ZNF790: variants seen among roughly 807,000 people sequenced by gnomAD.
ZNF790 encodes zinc finger protein 790.
ZNF790 carries 8 observed loss-of-function variants against 12.1 expected under a neutral mutation model. The ratio of observed to expected loss-of-function variants is 0.66; its 90% CI spans 0.39 to 1.19. The LOEUF (loss-of-function observed/expected upper bound fraction) is 1.19. ZNF790 is among the 50% of genes most tolerant of loss of function. The probability of loss-of-function intolerance (pLI) is 0.01; values close to 1 mark genes in which losing one functional copy is unlikely to be tolerated. For missense variants in ZNF790, 707 were observed against 752.2 expected, an observed-to-expected ratio of 0.94 and a Z score of 0.70; for synonymous variants, 252 against 244.3, an observed-to-expected ratio of 1.03 and a Z score of -0.29.
intron 1 of ZNF790, among the ~76,000 whole-genome samples, chr19:36,826,065 T>C (rs1354182263): frequency 1.3e-5 from 2 of 152,238 alleles, no homozygotes; most frequent in Non-Finnish European, 2.9e-5. Context: ...AATGCAAAGC[T>C]TGTTACTTTG....
At chr19:36,824,246 C>T (rs562499042) in intron 2 of ZNF790, among the ~76,000 whole-genome samples, 59 of 152,038 alleles carry the variant, frequency 3.9e-4, no homozygotes, top group Non-Finnish European at 6.9e-4. Context: ...ATCCACCCGC[C>T]TCGGCCTCCC....
chr19:36,827,088 ATATGTG>A (rs1466945426), intron 1 of ZNF790, among the ~76,000 whole-genome samples: 1 of 141,984 alleles, frequency 7.0e-6, no homozygotes, highest in Non-Finnish European at 1.5e-5. Flanking sequence ...ATGTGTGTAT[ATATGTG>A]TGTGTGTGTA....
At chr19:36,845,871 T>C (rs1251278849) in intron 1 of ZNF790, among the ~76,000 whole-genome samples, 1 of 151,804 alleles carries the variant, frequency 6.6e-6, no homozygotes, top group Non-Finnish European at 1.5e-5. Context: ...TGCAATGGCA[T>C]GATCTCGGCT....
At chr19:36,825,512 T>C (rs552981000) in intron 2 of ZNF790, 99 bp downstream of exon 2, 2 of 1,222,542 alleles carry the variant, frequency 1.6e-6, no homozygotes, top group South Asian at 2.4e-5. Context: ...TGACACTCAA[T>C]AGTGATTCAG....
chr19:36,844,845 G>C lies in ZNF790; in HGVS notation c.-74+5157C>G, dbSNP rs945129790. On this transcript the variant is annotated intron_variant, in intron 1 of 4. Coordinates refer to the ZNF790 transcript ENST00000528994. ...GGGCGGATCACGAGGTCAGGAGATC[G>C]AGACCATCCCGGCTAAAACGGTGAA... is the stretch of plus-strand genomic sequence containing the variant. Among the ~76,000 whole-genome samples, 5 of 150,856 alleles carry C rather than the reference G, an allele frequency of 3.3e-5. No individual in the cohort carries two copies. In the East Asian group the frequency reaches 7.8e-4, roughly 23 times the overall value.
chr19:36,838,794 A>G (rs1388389528), upstream of ZNF790, among the ~76,000 whole-genome samples: 3 of 152,150 alleles, frequency 2.0e-5, no homozygotes, highest in Admixed American at 6.5e-5. This position sits in a 1 kb window ranked among gnomAD's most constrained non-coding sequence, Gnocchi z 4.4. Flanking sequence ...TTTCAGTAGG[A>G]GCTCGCTGCG....
At position 36,838,366 on chromosome 19, in the gene ZNF790, G is replaced by A. The variant is rs2072094865; in HGVS notation, c.-103C>T. 6.6e-6 allele frequency: 1 copy of A among 152,316 alleles called. No homozygotes were observed. Among genetic ancestry groups the A allele is most frequent in the Admixed American group, 6.5e-5 (1 of 15,286 alleles). The allele number at this position is 152,316 out of a possible 1,614,324, so 9.4% of individuals were successfully genotyped here. A position where few individuals can be genotyped will look rare whatever the true frequency, so the allele number is the denominator to read the frequency against. On this transcript the variant is annotated 5_prime_UTR_variant, in exon 1 of 5. Transcript: ENST00000356725. This position sits in a 1 kb window ranked among gnomAD's most constrained non-coding sequence, Gnocchi z 4.4. ...CCCTGCGGTCCCTTGATGGTGGAAG[G>A]TTCCGCGATCTTTCTATTAACCCTA...
At chr19:36,820,508 G>A (rs2071644193) in intron 4 of ZNF790, among the ~76,000 whole-genome samples, 1 of 152,188 alleles carries the variant, frequency 6.6e-6, no homozygotes, top group African/African-American at 2.4e-5. Flanking sequence ...TAATATGAGG[G>A]AAGTAATCTG....
chr19:36,847,831 CA>C (rs1174238834), intron 1 of ZNF790, among the ~76,000 whole-genome samples: 1 of 151,586 alleles, frequency 6.6e-6, no homozygotes, highest in Non-Finnish European at 1.5e-5. Flanking sequence ...TTAGTGCTTT[CA>C]AAAAAAGGAT....
intron 2 of ZNF790, 80 bp from the exon 3 acceptor site, chr19:36,823,870 G>C: frequency 7.4e-7 from 1 of 1,356,698 alleles, no homozygotes; most frequent in Non-Finnish European, 9.9e-7. Flanking sequence ...AAGGGGAAAG[G>C]CTGGAAAGGG....
rs75042325 is a variant in ZNF790, at chr19:36,846,146, T to G, written c.-74+3856A>C. The stretch of plus-strand genomic sequence containing the variant: ...TTATCTGGAATATGATATATTTCAT[T>G]TACACATTCATTGTCCACTTCCCCA... On this transcript the variant is annotated intron_variant, in intron 1 of 4. Coordinates refer to the ZNF790 transcript ENST00000528994. Among the ~76,000 whole-genome samples the G allele has an allele frequency of 2.0e-5, 3 of 152,234 alleles. No individual in the cohort carries two copies. The East Asian group carries it at 5.8e-4, about 29-fold the overall frequency.
intron 1 of ZNF790, among the ~76,000 whole-genome samples, chr19:36,835,189 T>C (rs2072020709): frequency 6.6e-6 from 1 of 152,126 alleles, no homozygotes; most frequent in African/African-American, 2.4e-5. Context: ...CTCAGGAGCC[T>C]GAGGCAGGAG....
At chr19:36,833,347 T>C (rs1055589591) in intron 1 of ZNF790, among the ~76,000 whole-genome samples, 2 of 152,186 alleles carry the variant, frequency 1.3e-5, no homozygotes, top group Non-Finnish European at 2.9e-5. Context: ...TTCACCATAT[T>C]GGTCAGGCTG....
At chr19:36,849,802 C>T (rs972351348) in intron 1 of ZNF790, among the ~76,000 whole-genome samples, 1 of 151,686 alleles carries the variant, frequency 6.6e-6, no homozygotes, top group African/African-American at 2.4e-5. Context: ...CGATCTTGCC[C>T]CCCCCACCTC....
At chr19:36,820,350 G>A (rs2071640906) in intron 4 of ZNF790, among the ~76,000 whole-genome samples, 1 of 152,142 alleles carries the variant, frequency 6.6e-6, no homozygotes, top group African/African-American at 2.4e-5. Context: ...CATCTGAGGA[G>A]CTCAATAAAA....
chr19:36,834,194 G>A (rs1172633119), intron 1 of ZNF790, among the ~76,000 whole-genome samples: 1 of 130,196 alleles, frequency 7.7e-6, no homozygotes, highest in African/African-American at 2.9e-5. Context: ...GGTGAGCCGA[G>A]ATCGCACCAT....
In ZNF790 at chr19:36,818,998, G is replaced by A. The variant is rs761269546; in HGVS notation, c.1346C>T (p.Ser449Phe). The A allele has an allele frequency of 6.2e-7, 1 of 1,613,890 alleles. No individual in the cohort carries two copies. Among genetic ancestry groups the A allele is most frequent in the Non-Finnish European group, 8.5e-7 (1 of 1,180,014 alleles). ...CTTTCCACATTCCTTACATTCATAG[G>A]ATTTCCTCTCATTGTGAATTTTCTC... ...QHEKIHNERK[S>F]YECKECGKTF... The change falls in exon 5 of 5, where the codon TCC becomes TTC. Residue 449 changes from serine to phenylalanine, a missense_variant. Physicochemically the swap from Ser to Phe is radical, Grantham distance 155 (BLOSUM62 -2). Transcript: ENST00000356725.
At chr19:36,841,762 T>C (rs2072131334), upstream of ZNF790, among the ~76,000 whole-genome samples, 3 of 143,374 alleles carry the variant, frequency 2.1e-5, no homozygotes, top group South Asian at 4.5e-4. Flanking sequence ...GCAGGGAGAA[T>C]TGCTTGAACC....
chr19:36,818,888 T>G lies in ZNF790; in HGVS notation c.1456A>C (p.Thr486Pro). 2 of 1,611,260 alleles carry G rather than the reference T, an allele frequency of 1.2e-6. No homozygotes were observed. The highest frequency in any genetic ancestry group is 1.7e-6 in the Non-Finnish European group (2 of 1,178,004). The change falls in exon 5 of 5, where the codon ACC becomes CCC. Residue 486 changes from threonine (T) to proline (P), a missense_variant. Transcript: ENST00000356725. ...RNYECKECGK[T>P]FFRGSELNRH... ...TTAAGTTCTGAACCACGAAAAAAGG[T>G]CTTTCCACATTCCTTACATTCATAG...
Sources: gnomAD v4.1 joint callset for allele counts (sites outside exome capture counted in the v4.1 genomes callset) on GRCh38, gnomAD v4.1.1 for gene constraint, Gnocchi (gnomAD v3.1) non-coding constraint, MANE v1.5 for transcripts, NCBI Gene and HGNC (gene_info 2026-07-23, HGNC 2026-07-21) for gene names.